The following CSMD1 variants were observed in gnomAD, a reference collection of about 807,000 sequenced individuals.
CSMD1 encodes CUB and Sushi multiple domains 1.
Under a neutral mutation model 417.5 loss-of-function variants are expected in CSMD1, and 213 were observed. The ratio of observed to expected loss-of-function variants is 0.51; its 90% CI spans 0.46 to 0.57. CSMD1 has a LOEUF of 0.57. Ranked by LOEUF, CSMD1 falls within the 20% of genes least tolerant of loss-of-function variation. CSMD1 has a pLI of 0.00. For missense variants in CSMD1, 6,923 were observed against 4,529.7 expected (o/e 1.53, Z -15.17); for synonymous variants, 2,862 against 1,736.8 (o/e 1.65, Z -16.11).
chr8:3,465,285 G>A (rs567620401), intron 12 of CSMD1, among the ~76,000 whole-genome samples: 1 of 152,120 alleles, frequency 6.6e-6, no homozygotes, highest in African/African-American at 2.4e-5. Context: ...GCTCCTAAAA[G>A]GGTCCATTAA....
chr8:3,372,408 C>T (rs1265299326), intron 18 of CSMD1, among the ~76,000 whole-genome samples: 1 of 152,066 alleles, frequency 6.6e-6, no homozygotes, highest in Non-Finnish European at 1.5e-5. Context: ...ATCTCATGAC[C>T]TACCTGGGGT....
intron 3 of CSMD1, among the ~76,000 whole-genome samples, chr8:4,332,694 A>G (rs1443783569): frequency 6.6e-6 from 1 of 151,856 alleles, no homozygotes; most frequent in Non-Finnish European, 1.5e-5. Context: ...GGGAATATTA[A>G]ATTACATGAA....
At chr8:3,492,090 G>A (rs952407046) in intron 11 of CSMD1, among the ~76,000 whole-genome samples, 3 of 152,168 alleles carry the variant, frequency 2.0e-5, no homozygotes, top group African/African-American at 7.2e-5. Context: ...AGGTGTATGT[G>A]AATTTCCTCC....
chr8:3,170,236 C>G (rs560016951), intron 37 of CSMD1, among the ~76,000 whole-genome samples: 1 of 152,132 alleles, frequency 6.6e-6, no homozygotes, highest in Admixed American at 6.6e-5. Context: ...GAGACGGAGT[C>G]TCGCTCTGTG....
intron 5 of CSMD1, among the ~76,000 whole-genome samples, chr8:3,871,198 T>C (rs374534442): frequency 2.0e-5 from 3 of 152,226 alleles, no homozygotes; most frequent in African/African-American, 7.2e-5. Flanking sequence ...AATATTTTTC[T>C]ACAATGTGTA....
chr8:3,835,502 G>A (rs1431986338), intron 5 of CSMD1, among the ~76,000 whole-genome samples: 1 of 151,836 alleles, frequency 6.6e-6, no homozygotes, highest in African/African-American at 2.4e-5. Flanking sequence ...CTCACTCATA[G>A]CTGGGAATTG....
At chr8:4,889,083 G>A (rs933672491) in intron 1 of CSMD1, among the ~76,000 whole-genome samples, 5 of 152,056 alleles carry the variant, frequency 3.3e-5, no homozygotes, top group Admixed American at 6.5e-5. Flanking sequence ...GTGAATGAAC[G>A]TTTGATGAGA....
At chr8:3,182,080 C>T (rs1821367358) in intron 36 of CSMD1, among the ~76,000 whole-genome samples, 1 of 152,006 alleles carries the variant, frequency 6.6e-6, no homozygotes, top group South Asian at 2.1e-4. Flanking sequence ...TAAAAATAAC[C>T]ACAGTGTAGA....
chr8:3,672,981 G>C (rs754565991), intron 7 of CSMD1, among the ~76,000 whole-genome samples: 13 of 152,138 alleles, frequency 8.5e-5, no homozygotes, highest in East Asian at 1.9e-4. Flanking sequence ...CTTATTGTAA[G>C]TACTTGTGTT....
intron 10 of CSMD1, among the ~76,000 whole-genome samples, chr8:3,537,049 G>C (rs1434840640): frequency 6.6e-6 from 1 of 151,908 alleles, no homozygotes; most frequent in African/African-American, 2.4e-5. Context: ...CTGTTGCCGG[G>C]CTGGAGTGCA....
chr8:4,756,008 A>G (rs1811645022), intron 1 of CSMD1, among the ~76,000 whole-genome samples: 2 of 152,194 alleles, frequency 1.3e-5, no homozygotes. Flanking sequence ...TGTGAGTATT[A>G]AGTCATTTGC....
chr8:3,581,432 G>A (rs1258758897), intron 9 of CSMD1, among the ~76,000 whole-genome samples: 2 of 152,250 alleles, frequency 1.3e-5, no homozygotes, highest in African/African-American at 2.4e-5. Flanking sequence ...GTTGCCCCCC[G>A]TTCTCAGAGC....
chr8:4,216,484 T>G (rs1471894981), intron 3 of CSMD1, among the ~76,000 whole-genome samples: 1 of 152,182 alleles, frequency 6.6e-6, no homozygotes, highest in Admixed American at 6.5e-5. Context: ...AAAATTTTAC[T>G]CATTAATAGA....
intron 3 of CSMD1, among the ~76,000 whole-genome samples, chr8:4,304,542 C>T (rs974906622): frequency 6.6e-6 from 1 of 152,158 alleles, no homozygotes; most frequent in African/African-American, 2.4e-5. Flanking sequence ...CCTGCTAGCT[C>T]ATCGTGATAA....
intron 3 of CSMD1, among the ~76,000 whole-genome samples, chr8:4,073,792 A>T (rs1354447459): frequency 1.3e-5 from 2 of 152,132 alleles, no homozygotes; most frequent in Admixed American, 1.3e-4. Context: ...AATTTTGCTA[A>T]ATTATTTACC....
chr8:3,269,565 A>C (rs909431165), intron 26 of CSMD1, among the ~76,000 whole-genome samples: 3 of 152,292 alleles, frequency 2.0e-5, no homozygotes, highest in Middle Eastern at 3.4e-3. Context: ...CATTACTACC[A>C]CTATTTACGG....
chr8:4,602,050 T>A (rs1042344349), intron 2 of CSMD1, among the ~76,000 whole-genome samples: 7 of 152,156 alleles, frequency 4.6e-5, no homozygotes, highest in African/African-American at 1.4e-4. Context: ...GAAGAATGAA[T>A]ATAGAAATAG....
chr8:3,788,000 C>G (rs1441601668), intron 5 of CSMD1, among the ~76,000 whole-genome samples: 1 of 152,068 alleles, frequency 6.6e-6, no homozygotes, highest in South Asian at 2.1e-4. Context: ...AGTTTTAGAC[C>G]AAGAGTAAAA....
intron 7 of CSMD1, among the ~76,000 whole-genome samples, chr8:3,635,846 C>A (rs532885637): frequency 3.4e-5 from 5 of 148,166 alleles, no homozygotes; most frequent in Non-Finnish European, 6.0e-5. Flanking sequence ...AAATGAGACA[C>A]TGCACACTTA....
Sources: gnomAD v4.1 joint callset for allele counts (sites outside exome capture counted in the v4.1 genomes callset) on GRCh38, gnomAD v4.1.1 for gene constraint, MANE v1.5 for transcripts, NCBI Gene and HGNC (gene_info 2026-07-23, HGNC 2026-07-21) for gene names.